The following CRYL1 variants were observed in gnomAD, a reference collection of about 807,000 sequenced individuals.
CRYL1 encodes crystallin lambda 1, also known as lambda-crystallin homolog.
A neutral mutation model predicts 36.6 loss-of-function variants in CRYL1; 29 were observed. The observed-to-expected ratio is 0.79, with a 90% confidence interval of 0.59 to 1.08. The LOEUF (loss-of-function observed/expected upper bound fraction) is 1.08. Among genes scored for constraint, CRYL1 ranks in the 50% least tolerant of loss-of-function variants. The pLI, the probability that CRYL1 is intolerant of heterozygous loss-of-function variation, is 0.00. For synonymous variants in CRYL1, 152 were observed against 151.5 expected, an observed-to-expected ratio of 1.00 and a Z score of -0.02; for missense variants, 411 against 407.9, an observed-to-expected ratio of 1.01 and a Z score of -0.06.
chr13:20,472,720 T>C lies in CRYL1; in HGVS notation c.276+16650A>G, dbSNP rs9578288. 5.3e-3 allele frequency among the ~76,000 whole-genome samples: 808 copies of C among 152,310 alleles called. 5 individuals are homozygous for C. Among genetic ancestry groups the C allele is most frequent in the African/African-American group, 0.019 (775 of 41,568 alleles). On this transcript the variant is annotated intron_variant, in intron 3 of 7. Transcript: ENST00000298248. ...TGGGACTGGCTCACTGGGGCAGGCC[T>C]GTCACTGGAAGAAGCTGAGGTTCGC...
Position 20,415,269 on chromosome 13 carries a change from C to A in CRYL1, c.634-1882G>T, listed in dbSNP as rs1348454112. 6.6e-6 allele frequency among the ~76,000 whole-genome samples: 1 copy of A among 152,192 alleles called. No individual in the cohort carries two copies. Among genetic ancestry groups the A allele is most frequent in the Non-Finnish European group, 1.5e-5 (1 of 68,008 alleles). ...GGCCTGCAGGGAGGCACCCTCTGCC[C>A]TGCTGCGAGCCTGGGGCGCCTGGGC... On this transcript the variant is annotated intron_variant, in intron 5 of 7. Transcript: ENST00000298248. This position sits in a 1 kb window ranked among gnomAD's most constrained non-coding sequence, Gnocchi z 4.1.
intron 5 of CRYL1, chr13:20,426,857 T>C (rs773224435): frequency 1.1e-5 from 11 of 985,332 alleles, no homozygotes; most frequent in Non-Finnish European, 1.3e-5. Context: ...CCCTGACAAA[T>C]CAAGAGACCA....
chr13:20,512,599 G>A (rs2033935379), intron 1 of CRYL1, 49 bp from the exon 2 acceptor site: 1 of 1,378,206 alleles, frequency 7.3e-7, no homozygotes, highest in Non-Finnish European at 1.0e-6. Context: ...TAATCGAATG[G>A]CTTTTCATTC....
At chr13:20,507,904 C>T (rs1258921669) in intron 2 of CRYL1, among the ~76,000 whole-genome samples, 1 of 136,268 alleles carries the variant, frequency 7.3e-6, no homozygotes, top group Non-Finnish European at 1.6e-5. Flanking sequence ...GGCAACAGAG[C>T]AAGACTTTTC....
rs201600602 is a variant in CRYL1, at chr13:20,439,794, G to C, written c.277-40C>G. 2,150 of 1,570,122 alleles carry C rather than the reference G, an allele frequency of 1.4e-3. 4 individuals carry two copies. The highest frequency in any genetic ancestry group is 1.8e-3 in the Non-Finnish European group (2,026 of 1,145,496). On this transcript the variant is annotated intron_variant, in intron 3 of 7. Transcript: ENST00000298248. ...TTTAAATGACTATTCATGACCACTC[G>C]ACTCAGGCCCCAAGCAAAGCATTTC...
chr13:20,408,624 C>G (rs1029519556), intron 6 of CRYL1, among the ~76,000 whole-genome samples: 17 of 152,166 alleles, frequency 1.1e-4, no homozygotes, highest in African/African-American at 4.1e-4. Context: ...GATTTTTGTA[C>G]ATTGATTTTG....
At chr13:20,459,750 A>AT (rs2032769283) in intron 3 of CRYL1, among the ~76,000 whole-genome samples, 1 of 152,202 alleles carries the variant, frequency 6.6e-6, no homozygotes, top group South Asian at 2.1e-4. Flanking sequence ...TATTATGCTG[A>AT]TTACCGGGTG....
intron 5 of CRYL1, among the ~76,000 whole-genome samples, chr13:20,420,711 G>GTTTTTTTTTTTTT (rs1565958145): frequency 3.1e-5 from 1 of 32,212 alleles, no homozygotes; most frequent in East Asian, 1.2e-3. Flanking sequence ...TTGTGTGTGT[G>GTTTTTTTTTTTTT]TGTGTGTGTG....
At chr13:20,519,242 T>C (rs1357248277) in intron 1 of CRYL1, among the ~76,000 whole-genome samples, 1 of 150,422 alleles carries the variant, frequency 6.6e-6, no homozygotes, top group Non-Finnish European at 1.5e-5. Flanking sequence ...GGGAGGGGGG[T>C]GTAGTCAGGA....
At chr13:20,514,768 A>T (rs570707429) in intron 1 of CRYL1, among the ~76,000 whole-genome samples, 2 of 152,204 alleles carry the variant, frequency 1.3e-5, no homozygotes. Context: ...GTGAGATGAC[A>T]TATGAAAACT....
At chr13:20,515,355 A>C (rs2137514328) in intron 1 of CRYL1, among the ~76,000 whole-genome samples, 1 of 152,338 alleles carries the variant, frequency 6.6e-6, no homozygotes, top group Non-Finnish European at 1.5e-5. Flanking sequence ...TTAAAAATAA[A>C]TGTTTGTAAA....
At chr13:20,511,148 A>C (rs2033910512) in intron 2 of CRYL1, among the ~76,000 whole-genome samples, 1 of 152,064 alleles carries the variant, frequency 6.6e-6, no homozygotes, top group Admixed American at 6.6e-5. Context: ...ACAGTGGTGC[A>C]ATCATAGCTC....
At chr13:20,459,012 G>T (rs1040338274) in intron 3 of CRYL1, among the ~76,000 whole-genome samples, 2 of 152,126 alleles carry the variant, frequency 1.3e-5, no homozygotes, top group East Asian at 3.8e-4. Flanking sequence ...GAGGCGGGCG[G>T]ATCACAAGGT....
chr13:20,439,840 A>G, intron 3 of CRYL1, 86 bp from the exon 4 acceptor site: 1 of 1,307,634 alleles, frequency 7.6e-7, no homozygotes, highest in Non-Finnish European at 1.1e-6. Flanking sequence ...CATTCCTCAA[A>G]TGAACCACTT....
chr13:20,523,709 G>C (rs1053306689), intron 1 of CRYL1, among the ~76,000 whole-genome samples: 6 of 152,094 alleles, frequency 3.9e-5, no homozygotes, highest in Non-Finnish European at 8.8e-5. Flanking sequence ...CTGAAGTGCT[G>C]AGGGTGGGGG....
rs192277952 is a variant in CRYL1, at chr13:20,438,947, C to T, written c.438+646G>A. On this transcript the variant is annotated intron_variant, in intron 4 of 7. Transcript: ENST00000298248. Reference sequence around the variant, plus strand: ...CTGAAAGATTCCTTGAGTGCTTGCACGCCAATCTGAAACTCATTGTCCCAG... The same window carrying T: ...CTGAAAGATTCCTTGAGTGCTTGCATGCCAATCTGAAACTCATTGTCCCAG... Among the ~76,000 whole-genome samples the T allele has an allele frequency of 3.4e-4, 52 of 152,248 alleles. No individual in the cohort carries two copies. The East Asian group carries it at 6.6e-3, about 19-fold the overall frequency.
At chr13:20,454,345 G>A in intron 3 of CRYL1, among the ~76,000 whole-genome samples, 1 of 147,604 alleles carries the variant, frequency 6.8e-6, no homozygotes, top group African/African-American at 2.5e-5. Context: ...GATTTAAAAA[G>A]AACAATTATG....
At chr13:20,519,238 G>A (rs183335967) in intron 1 of CRYL1, among the ~76,000 whole-genome samples, 2 of 152,276 alleles carry the variant, frequency 1.3e-5, no homozygotes, top group Admixed American at 6.5e-5. Context: ...AGATGGGAGG[G>A]GGGTGTAGTC....
intron 6 of CRYL1, among the ~76,000 whole-genome samples, chr13:20,412,006 A>G (rs1466189045): frequency 2.6e-5 from 4 of 152,200 alleles, no homozygotes; most frequent in African/African-American, 9.7e-5. Context: ...TAATACTGAA[A>G]TTATAGAACT....
Sources: gnomAD v4.1 joint callset for allele counts (sites outside exome capture counted in the v4.1 genomes callset) on GRCh38, gnomAD v4.1.1 for gene constraint, Gnocchi (gnomAD v3.1) non-coding constraint, MANE v1.5 for transcripts, NCBI Gene and HGNC (gene_info 2026-07-23, HGNC 2026-07-21) for gene names.